The following JADE3 variants were observed in gnomAD, a reference collection of about 807,000 sequenced individuals.
The protein encoded by JADE3 is protein Jade-3.
JADE3 carries 2 observed loss-of-function variants against 50.1 expected under a neutral mutation model. The observed-to-expected ratio is 0.04, with a 90% CI of 0.02 to 0.13. The LOEUF (loss-of-function observed/expected upper bound fraction) is 0.13, where lower values mean the gene tolerates loss of function less well. Among genes scored for constraint, JADE3 ranks in the 10% least tolerant of loss-of-function variants. The probability of loss-of-function intolerance (pLI) is 1.00; values close to 1 mark genes in which losing one functional copy is unlikely to be tolerated. For synonymous variants in JADE3, 218 were observed against 232.9 expected (o/e 0.94, Z 0.58); for missense variants, 475 against 634.4 (o/e 0.75, Z 2.70).
chrX:46,966,494 G>A lies in JADE3; in HGVS notation c.-11-18390G>A, dbSNP rs781957951. ...ACCATCACCTACAAGATGGTTAGAG[G>A]AAGAAAAAAAGTGTTAGCAACACAG... On this transcript the variant is annotated intron_variant, in intron 1 of 10. Transcript: ENST00000614628. Among the ~76,000 whole-genome samples, 160 of 110,704 alleles carry A rather than the reference G, an allele frequency of 1.4e-3. 1 individual carries two copies. Among genetic ancestry groups the A allele is most frequent in the Non-Finnish European group, 2.3e-3 (122 of 52,931 alleles).
intron 4 of JADE3, 30 bp from the exon 5 acceptor site, chrX:47,024,691 ATTG>A (rs1928869224): frequency 6.1e-6 from 6 of 976,508 alleles, no homozygotes; most frequent in Non-Finnish European, 8.6e-6. Flanking sequence ...TCATTTGTTG[ATTG>A]TTATCATTGT....
In JADE3 at chrX:47,058,762, C is replaced by G. The variant is rs782322407; in HGVS notation, c.2157C>G (p.Thr719=). 2 of 1,209,372 alleles carry G rather than the reference C, an allele frequency of 1.7e-6. No individual in the cohort carries two copies. Among genetic ancestry groups the G allele is most frequent in the South Asian group, 3.5e-5 (2 of 56,866 alleles). The change falls in exon 11 of 11, where the codon ACC becomes ACG. Residue 719 remains threonine (T), a synonymous_variant. Transcript: ENST00000614628. The part of the protein sequence containing the change: ...VEHFSRSFKE[T]TNRWVKNTED... ...ACTTTAGTAGGTCCTTTAAAGAGAC[C>G]ACCAATAGGTGGGTGAAGAACACAG...
chrX:46,971,830 TTTAGAAAGGG>T (rs1927505084), intron 1 of JADE3, among the ~76,000 whole-genome samples: 2 of 109,170 alleles, frequency 1.8e-5, no homozygotes, highest in Non-Finnish European at 3.8e-5. Context: ...CAGATTTTAA[TTTAGAAAGGG>T]CTAGCACCAT....
chrX:47,058,406 A>G lies in JADE3; in HGVS notation c.1801A>G (p.Lys601Glu), dbSNP rs782088124. The G allele has an allele frequency of 1.7e-6, 2 of 1,209,438 alleles. No individual in the cohort carries two copies. Among genetic ancestry groups the G allele is most frequent in the African/African-American group, 3.5e-5 (2 of 57,058 alleles). Residue 601 changes from lysine to glutamate, a missense_variant, in exon 11 of 11, where the codon AAG becomes GAG. Lys to Glu is a moderately conservative substitution (Grantham distance 56). This residue lies in a region of JADE3 where 243 missense variants were observed against 238.2 expected (regional missense o/e 1.02). Transcript: ENST00000614628. ...KSYPRYPLES[K>E]NNRLLASLSH... ...GTATCCGAGATACCCACTAGAGAGC[A>G]AGAATAACCGTTTGCTGGCCAGTCT... is the stretch of plus-strand genomic sequence containing the variant.
chrX:47,029,764 T>TGAGAG (rs1928978838), intron 6 of JADE3, among the ~76,000 whole-genome samples: 4 of 112,045 alleles, frequency 3.6e-5, no homozygotes, highest in African/African-American at 1.3e-4. Flanking sequence ...GGCATTTATA[T>TGAGAG]CAGACTTTAA....
intron 1 of JADE3, among the ~76,000 whole-genome samples, chrX:46,915,083 G>A (rs1241374815): frequency 3.6e-5 from 4 of 111,768 alleles, no homozygotes. Context: ...CCTACACAAA[G>A]CCATATCTTC....
At chrX:47,033,916 TTCCACTTGAGCTACC>T in intron 7 of JADE3, 128 bp downstream of exon 7, 1 of 543,667 alleles carries the variant, frequency 1.8e-6, no homozygotes, top group Non-Finnish European at 2.8e-6. Context: ...GTAATAGTAC[TTCCACTTGAGCTACC>T]TCAGATCCTT....
chrX:46,919,912 A>G (rs1556337339), intron 1 of JADE3, among the ~76,000 whole-genome samples: 1 of 110,982 alleles, frequency 9.0e-6, no homozygotes, highest in African/African-American at 3.3e-5. Flanking sequence ...ACTTCCAGGA[A>G]TTTATTCAAC....
At chrX:46,984,595 G>A (rs1424625215) in intron 1 of JADE3, among the ~76,000 whole-genome samples, 1 of 111,846 alleles carries the variant, frequency 8.9e-6, no homozygotes. Context: ...GTGGACAGTG[G>A]CCATGTGGCC....
intron 1 of JADE3, among the ~76,000 whole-genome samples, chrX:46,959,877 T>C (rs1472802590): frequency 9.0e-6 from 1 of 110,687 alleles, no homozygotes; most frequent in African/African-American, 3.3e-5. Context: ...GCAGGAGATT[T>C]AGAAGCCATA....
chrX:47,006,444 A>C (rs1452659685), intron 4 of JADE3, among the ~76,000 whole-genome samples: 2 of 104,256 alleles, frequency 1.9e-5, no homozygotes, highest in African/African-American at 7.0e-5. Context: ...CCACCACGCC[A>C]GGCTAATTTT....
intron 4 of JADE3, among the ~76,000 whole-genome samples, chrX:47,012,926 T>C (rs782346272): frequency 1.3e-3 from 149 of 111,675 alleles, no homozygotes; most frequent in African/African-American, 4.6e-3. Flanking sequence ...CCTACCTTGG[T>C]TCCATGTATT....
At chrX:47,020,853 G>T (rs1456577830) in intron 4 of JADE3, among the ~76,000 whole-genome samples, 3 of 111,696 alleles carry the variant, frequency 2.7e-5, no homozygotes, top group Non-Finnish European at 5.6e-5. Flanking sequence ...GGTGGCTCAT[G>T]CCTGTAATAC....
Position 47,045,794 on chromosome X carries a change from A to G in JADE3, c.972+6729A>G, listed in dbSNP as rs1237487021. Reference sequence around the variant, plus strand: ...TTAAACAACATGCTCCTGAACGACCAGTAGGTCAATGAAGGAATTAAGAAG... The same window carrying G: ...TTAAACAACATGCTCCTGAACGACCGGTAGGTCAATGAAGGAATTAAGAAG... On this transcript the variant is annotated intron_variant, in intron 8 of 10. Coordinates refer to ENST00000614628, the MANE Select transcript of JADE3 (RefSeq NM_014735.5). Among the ~76,000 whole-genome samples, 6 of 111,119 alleles carry G rather than the reference A, an allele frequency of 5.4e-5. No homozygotes were observed. The Admixed American group carries it at 5.7e-4, about 11-fold the overall frequency.
chrX:46,979,795 C>T (rs1927702370), intron 1 of JADE3, among the ~76,000 whole-genome samples: 1 of 110,026 alleles, frequency 9.1e-6, no homozygotes, highest in African/African-American at 3.3e-5. Context: ...CTGGCATTTC[C>T]CTAATGGCTG....
At chrX:46,966,288 G>A (rs1190366722) in intron 1 of JADE3, among the ~76,000 whole-genome samples, 1 of 111,542 alleles carries the variant, frequency 9.0e-6, no homozygotes, top group Admixed American at 9.6e-5. Flanking sequence ...GATGTATCTG[G>A]TTGTCAGGAC....
chrX:46,926,959 A>T (rs1556339040), intron 1 of JADE3, among the ~76,000 whole-genome samples: 1 of 112,392 alleles, frequency 8.9e-6, no homozygotes, highest in Admixed American at 9.4e-5. Context: ...GAGCCGCTAT[A>T]AAAATTCATG....
rs781845648 is a variant in JADE3 at position 47,058,246 on chromosome X, A to G, written c.1641A>G (p.Lys547=). 3 of 1,208,271 alleles carry G rather than the reference A, an allele frequency of 2.5e-6. No homozygotes were observed. The highest frequency in any genetic ancestry group is 4.4e-5 in the Admixed American group (2 of 45,557). ...PRITLKLKMP[K]STPEDHRNSS... ...TTACCTTGAAGTTAAAAATGCCCAAATCAACCCCAGAAGACCACAGAAACA... is the reference window on the plus strand; with the variant it reads ...TTACCTTGAAGTTAAAAATGCCCAAGTCAACCCCAGAAGACCACAGAAACA... The change falls in exon 11 of 11, where the codon AAA becomes AAG. Residue 547 remains lysine, a synonymous_variant. Transcript: ENST00000614628.
intron 1 of JADE3, among the ~76,000 whole-genome samples, chrX:46,976,183 T>C (rs1399648220): frequency 9.0e-6 from 1 of 111,559 alleles, no homozygotes; most frequent in African/African-American, 3.3e-5. Context: ...TTCAAAAGTA[T>C]GTCTCATGGG....
Sources: gnomAD v4.1 joint callset for allele counts (sites outside exome capture counted in the v4.1 genomes callset) on GRCh38, gnomAD v4.1.1 for gene constraint, gnomAD v4.1.1 regional missense constraint, MANE v1.5 for transcripts, NCBI Gene and HGNC (gene_info 2026-07-23, HGNC 2026-07-21) for gene names.